ABCA2: variants seen among roughly 807,000 people sequenced by gnomAD.
The protein encoded by ABCA2 is ATP binding cassette subfamily A member 2, also known as ATP-binding cassette sub-family A member 2.
A neutral mutation model predicts 262.8 loss-of-function variants in ABCA2; 84 were observed. The ratio of observed to expected loss-of-function variants is 0.32; its 90% CI spans 0.27 to 0.38. The LOEUF (loss-of-function observed/expected upper bound fraction) is 0.38. ABCA2 is among the 10% of genes least tolerant of loss of function. ABCA2 has a pLI of 1.00. For synonymous variants in ABCA2, 1,696 were observed against 1,502.9 expected, an observed-to-expected ratio of 1.13 and a Z score of -2.97; for missense variants, 2,662 against 3,405.9, an observed-to-expected ratio of 0.78 and a Z score of 5.44.
chr9:137,010,896 C>G, intron 39 of ABCA2, 77 bp downstream of exon 39: 1 of 618,578 alleles, frequency 1.6e-6, no homozygotes, highest in Non-Finnish European at 2.8e-6. Flanking sequence ...TGCCCCCACC[C>G]CCGCCCCTAC....
At position 137,009,663 on chromosome 9, in the gene ABCA2, C is replaced by G; in HGVS notation, c.6631-19G>C. 6.2e-7 allele frequency: 1 copy of G among 1,612,530 alleles called. No individual in the cohort carries two copies. Among genetic ancestry groups the G allele is most frequent in the Non-Finnish European group, 8.5e-7 (1 of 1,179,828 alleles). On this transcript the variant is annotated intron_variant, in intron 43 of 48. Transcript: ENST00000341511. ...GCTCGTCCTGGGGATGGGTGGCAGG[C>G]TCAGCTGCTGCCAGGCCCACACACC... is the stretch of plus-strand genomic sequence containing the variant.
In ABCA2 at chr9:137,011,710, GGAT is replaced by G; in HGVS notation, c.5572_5574del (p.Ile1858del). 1 of 1,553,792 alleles carries G rather than the reference GGAT, an allele frequency of 6.4e-7. No individual in the cohort carries two copies. Among genetic ancestry groups the G allele is most frequent in the Non-Finnish European group, 8.7e-7 (1 of 1,149,208 alleles). On this transcript the variant is annotated inframe_deletion, in exon 36 of 49. Coordinates refer to ENST00000341511, the MANE Select transcript of ABCA2 (RefSeq NM_001606.5). This position sits in a 1 kb window ranked among gnomAD's most constrained non-coding sequence, Gnocchi z 8.8. Reference sequence around the variant, plus strand: ...TAGGCCGGCAGGTCGAACACAAACAGGATGATGACACAGCAGGTAGCGGGGACC... The same window carrying G: ...TAGGCCGGCAGGTCGAACACAAACAGGATGACACAGCAGGTAGCGGGGACC...
In ABCA2 at chr9:137,022,800, C is replaced by A. The variant is rs759220923; in HGVS notation, c.341G>T (p.Arg114Leu). ...CTCGAGCTCTGAGCCCAGGCTGGGC[C>A]GCGCTGGGTCAAACAGGTTGCCTTC... ...VEEGNLFDPA[R>L]PSLGSELEAL... The change falls in exon 5 of 49, where the codon CGG (arginine) becomes CTG (leucine). Residue 114 changes from arginine to leucine, a missense_variant. Around this residue, in one of 12 missense-constraint regions of ABCA2, gnomAD observed 101 missense variants for 152.3 expected, o/e 0.66. Coordinates refer to ENST00000341511, the MANE Select transcript of ABCA2 (RefSeq NM_001606.5). 6.3e-7 allele frequency: 1 copy of A among 1,593,528 alleles called. No individual in the cohort carries two copies. The highest frequency in any genetic ancestry group is 8.5e-7 in the Non-Finnish European group (1 of 1,171,536).
Position 137,019,083 on chromosome 9 carries a change from G to C in ABCA2, c.1555-13C>G, listed in dbSNP as rs1355181617. On this transcript the variant is annotated splice_polypyrimidine_tract_variant and intron_variant, in intron 11 of 48. Transcript: ENST00000341511. The surrounding 1 kb of genome is among the most constrained non-coding windows in gnomAD (Gnocchi z 4.4). ...GCTCTGCTACATACTTGGGGTGGAG[G>C]GGCGGCTCAGAGGGGGACCTGCGCC... 1 of 1,605,074 alleles carries C rather than the reference G, an allele frequency of 6.2e-7. No individual in the cohort carries two copies. The highest frequency in any genetic ancestry group is 8.5e-7 in the Non-Finnish European group (1 of 1,174,328).
At chr9:137,025,326 G>C (rs902051007) in intron 1 of ABCA2, among the ~76,000 whole-genome samples, 2 of 152,214 alleles carry the variant, frequency 1.3e-5, no homozygotes, top group Admixed American at 6.5e-5. Context: ...CCTCCAGAGA[G>C]CCCTCGGCAG....
chr9:137,012,337 A>G lies in ABCA2; in HGVS notation c.5227T>C (p.Tyr1743His). 6.2e-7 allele frequency: 1 copy of G among 1,611,698 alleles called. No individual in the cohort carries two copies. Among genetic ancestry groups the G allele is most frequent in the Non-Finnish European group, 8.5e-7 (1 of 1,179,430 alleles). ...NNKGYHSMPT[Y>H]LNSLNNAILR... Reference sequence around the variant, plus strand: ...ATGGCGTTGTTGAGGCTGTTGAGGTAGGTGGGCATGCTGTGATAGCCCTTG... The same window carrying G: ...ATGGCGTTGTTGAGGCTGTTGAGGTGGGTGGGCATGCTGTGATAGCCCTTG... Residue 1743 changes from tyrosine to histidine, a missense_variant, in exon 33 of 49, where the codon TAC (tyrosine) becomes CAC (histidine). Physicochemically the swap from Tyr to His is moderately conservative, Grantham distance 83. Coordinates refer to ENST00000341511, the MANE Select transcript of ABCA2 (RefSeq NM_001606.5).
chr9:137,028,456 C>G (rs1831740025), upstream of ABCA2, among the ~76,000 whole-genome samples: 2 of 150,478 alleles, frequency 1.3e-5, no homozygotes, highest in East Asian at 3.9e-4. This position sits in a 1 kb window ranked among gnomAD's most constrained non-coding sequence, Gnocchi z 6.9. Flanking sequence ...CGGGCCGCCC[C>G]TCGCCGGGCG....
rs1831084658 is a variant in ABCA2 at position 137,012,371 on chromosome 9, G to A, written c.5193C>T (p.Phe1731=). ...TGCTGTGATAGCCCTTGTTGTTGTAGAAAACCTGCAGAAGGAAGAGGACAC... is the reference window on the plus strand; with the variant it reads ...TGCTGTGATAGCCCTTGTTGTTGTAAAAAACCTGCAGAAGGAAGAGGACAC... The part of the protein sequence containing the change: ...KIAVRRAAQV[F]YNNKGYHSMP... Residue 1731 remains phenylalanine (F), a synonymous_variant, in exon 33 of 49, where the codon TTC becomes TTT. Coordinates refer to ENST00000341511, the MANE Select transcript of ABCA2 (RefSeq NM_001606.5). The A allele has an allele frequency of 1.2e-6, 2 of 1,612,190 alleles. No individual in the cohort carries two copies. Among genetic ancestry groups the A allele is most frequent in the East Asian group, 4.5e-5 (2 of 44,870 alleles).
chr9:137,014,125 C>G (rs764798300), intron 27 of ABCA2, 43 bp downstream of exon 27: 1 of 1,592,958 alleles, frequency 6.3e-7, no homozygotes, highest in East Asian at 2.3e-5. Flanking sequence ...CGCAACCCTG[C>G]TCCCCCTCCC....
rs536114623 is a variant in ABCA2, at chr9:137,007,438, C to A, written c.*491G>T. 4.5e-4 allele frequency: 71 copies of A among 157,794 alleles called. 2 individuals carry two copies. Among genetic ancestry groups the A allele is most frequent in the East Asian group, 1.1e-3 (6 of 5,276 alleles). The allele number at this position is 157,794 out of a possible 1,614,324, so 9.8% of individuals were successfully genotyped here. ...GCTGGCCCAAGCTGATGGCTTCCCG[C>A]AGGACAGCCACCTCCCTGCAGGAGA... On this transcript the variant is annotated 3_prime_UTR_variant, in exon 49 of 49. Coordinates refer to ENST00000341511, the MANE Select transcript of ABCA2 (RefSeq NM_001606.5).
Position 137,012,143 on chromosome 9 carries a change from G to T in ABCA2, c.5319C>A (p.His1773Gln). ...GGCTGGCGCTGGTCTTATTCATGGGGTGGTTGGTGACGGTGATGCCTGCAC... is the reference window on the plus strand; with the variant it reads ...GGCTGGCGCTGGTCTTATTCATGGGTTGGTTGGTGACGGTGATGCCTGCAC... Reference protein sequence around the residue: ...PAAYGITVTNHPMNKTSASLS... With the variant: ...PAAYGITVTNQPMNKTSASLS... The change falls in exon 34 of 49, where the codon CAC becomes CAA. Residue 1773 changes from histidine (H) to glutamine (Q), a missense_variant. Coordinates refer to ENST00000341511, the MANE Select transcript of ABCA2 (RefSeq NM_001606.5). 6 of 1,612,474 alleles carry T rather than the reference G, an allele frequency of 3.7e-6. No homozygotes were observed. Among genetic ancestry groups the T allele is most frequent in the Non-Finnish European group, 5.1e-6 (6 of 1,179,878 alleles).
Position 137,008,553 on chromosome 9 carries a change from G to A in ABCA2, c.7138C>T (p.Leu2380=). 1 of 1,606,900 alleles carries A rather than the reference G, an allele frequency of 6.2e-7. No individual in the cohort carries two copies. Residue 2380 remains leucine (L), a synonymous_variant, in exon 48 of 49, where the codon CTG becomes TTG. Transcript: ENST00000341511. ...EQQETEPPSA[L]QSPLGCLLSL... is the part of the protein sequence containing the mutation. ...AGCAAGCAGCCGAGAGGGGACTGCA[G>A]TGCGGATGGCGGCTCCGTCTCCTGC...
Position 137,018,989 on chromosome 9 carries a change from A to C in ABCA2, c.1636T>G (p.Phe546Val). 1.9e-6 allele frequency: 3 copies of C among 1,613,026 alleles called. No individual in the cohort carries two copies. Among genetic ancestry groups the C allele is most frequent in the Non-Finnish European group, 2.5e-6 (3 of 1,179,904 alleles). ...ELPPALRQDN[F>V]SLPSGMALLQ... The stretch of plus-strand genomic sequence containing the variant: ...AGGGCCATGCCACTGGGCAGCGAGA[A>C]GTTGTCCTGTCTCAGGGCCGGCGGC... The change falls in exon 12 of 49, where the codon TTC (phenylalanine) becomes GTC (valine). Residue 546 changes from phenylalanine (F) to valine (V), a missense_variant. Phe to Val is a conservative substitution (Grantham distance 50, BLOSUM62 -1). This residue lies in a region of ABCA2 where 187 missense variants were observed against 205.9 expected (regional missense o/e 0.91). Transcript: ENST00000341511.
Position 137,019,170 on chromosome 9 carries a change from C to T in ABCA2, c.1554+8G>A. The T allele has an allele frequency of 6.2e-7, 1 of 1,611,456 alleles. No homozygotes were observed. The highest frequency in any genetic ancestry group is 2.2e-5 in the East Asian group (1 of 44,846). ...CACAGCCGCCTCCCTCGCGGGCACC[C>T]TTGGCACCTGCTGCAGCCAGCGCAG... On this transcript the variant is annotated splice_region_variant and intron_variant, in intron 11 of 48. Transcript: ENST00000341511. The surrounding 1 kb of genome is among the most constrained non-coding windows in gnomAD (Gnocchi z 4.4).
Position 137,015,841 on chromosome 9 carries a change from TTTG to T in ABCA2, c.3345_3347del (p.Asn1115del). On this transcript the variant is annotated inframe_deletion, in exon 23 of 49. Transcript: ENST00000341511. Reference sequence around the variant, plus strand: ...ACAATGTCTGCACCAGTGAGTGCCGTTTGTTGGAGAGCTCCAGGTCCTCGATCA... The same window carrying T: ...ACAATGTCTGCACCAGTGAGTGCCGTTTGGAGAGCTCCAGGTCCTCGATCA... The T allele has an allele frequency of 6.2e-7, 1 of 1,610,772 alleles. No individual in the cohort carries two copies. The highest frequency in any genetic ancestry group is 8.5e-7 in the Non-Finnish European group (1 of 1,178,608).
intron 16 of ABCA2, 43 bp downstream of exon 16, chr9:137,017,744 C>T (rs1831312320): frequency 6.2e-7 from 1 of 1,609,666 alleles, no homozygotes; most frequent in Non-Finnish European, 8.5e-7. Context: ...CGCCGCCCCT[C>T]CCTGCCAGCC....
Position 137,013,185 on chromosome 9 carries a change from C to G in ABCA2, c.4684G>C (p.Gly1562Arg), listed in dbSNP as rs760168317. 6.2e-7 allele frequency: 1 copy of G among 1,601,504 alleles called. No individual in the cohort carries two copies. The highest frequency in any genetic ancestry group is 1.3e-5 in the African/African-American group (1 of 74,824). ...SLGPTLNLSS[G>R]ESRLLAARFF... ...CGAGCCGCCAGCAGGCGCGACTCCC[C>G]GCTGCTCAGGTTCAACGTGGGCCCC... The change falls in exon 30 of 49, where the codon GGG (glycine) becomes CGG (arginine). Residue 1562 changes from glycine to arginine, a missense_variant. Physicochemically the swap from Gly to Arg is moderately radical, Grantham distance 125. Around this residue, in one of 12 missense-constraint regions of ABCA2, gnomAD observed 192 missense variants for 207.2 expected, o/e 0.93. Transcript: ENST00000341511.
At position 137,019,426 on chromosome 9, in the gene ABCA2, T is replaced by C; in HGVS notation, c.1426-120A>G. 1 of 541,062 alleles carries C rather than the reference T, an allele frequency of 1.8e-6. No individual in the cohort carries two copies. The highest frequency in any genetic ancestry group is 5.7e-5 in the Admixed American group (1 of 17,434). The allele number at this position is 541,062 out of a possible 1,614,324, so 33.5% of individuals were successfully genotyped here. A position where few individuals can be genotyped will look rare whatever the true frequency, so the allele number is the denominator to read the frequency against. On this transcript the variant is annotated intron_variant, in intron 10 of 48. Coordinates refer to ENST00000341511, the MANE Select transcript of ABCA2 (RefSeq NM_001606.5). This position sits in a 1 kb window ranked among gnomAD's most constrained non-coding sequence, Gnocchi z 4.4. ...TGCCAACAACTAACCCTCCCCACCT[T>C]TTTTTTTTTTTTTTTCCTGAGACAG...
chr9:137,007,758 G>T lies in ABCA2; in HGVS notation c.*171C>A. 1 of 894,600 alleles carries T rather than the reference G, an allele frequency of 1.1e-6. No individual in the cohort carries two copies. Among genetic ancestry groups the T allele is most frequent in the Non-Finnish European group, 1.7e-6 (1 of 581,852 alleles). The allele number at this position is 894,600 out of a possible 1,614,324, so 55.4% of individuals were successfully genotyped here. On this transcript the variant is annotated 3_prime_UTR_variant, in exon 49 of 49. Coordinates refer to ENST00000341511, the MANE Select transcript of ABCA2 (RefSeq NM_001606.5). Reference sequence around the variant, plus strand: ...CACAATTAGGGGCGGCAACCGCAGTGACCACAGGGCATGGCCGAGTACAGG... The same window carrying T: ...CACAATTAGGGGCGGCAACCGCAGTTACCACAGGGCATGGCCGAGTACAGG...
Sources: gnomAD v4.1 joint callset for allele counts (sites outside exome capture counted in the v4.1 genomes callset) on GRCh38, gnomAD v4.1.1 for gene constraint, gnomAD v4.1.1 regional missense constraint, Gnocchi (gnomAD v3.1) non-coding constraint, MANE v1.5 for transcripts, NCBI Gene and HGNC (gene_info 2026-07-23, HGNC 2026-07-21) for gene names.